The following GNAL variants were observed in gnomAD, a reference collection of about 807,000 sequenced individuals.
The protein encoded by GNAL is G protein subunit alpha L, also known as guanine nucleotide-binding protein G(olf) subunit alpha.
A neutral mutation model predicts 55.1 loss-of-function variants in GNAL; 18 were observed. The ratio of observed to expected loss-of-function variants is 0.33; its 90% CI spans 0.23 to 0.48. GNAL has a LOEUF of 0.48. Ranked by LOEUF, GNAL falls within the 20% of genes least tolerant of loss-of-function variation. The pLI, the probability that GNAL is intolerant of heterozygous loss-of-function variation, is 0.99. For missense variants in GNAL, 412 were observed against 614.1 expected (o/e 0.67, Z 3.48); for synonymous variants, 253 against 237.0 (o/e 1.07, Z -0.62).
In GNAL at chr18:11,812,340, G is replaced by A. The variant is rs376582488; in HGVS notation, c.625-12578G>A. On this transcript the variant is annotated intron_variant, in intron 4 of 11. Coordinates refer to ENST00000334049, the MANE Select transcript of GNAL (RefSeq NM_182978.4). ...GAAATCCTGCAACTGGCCCTGGGGG[G>A]CTATGAAGGTCCCTTGGCTTCATCT... Among the ~76,000 whole-genome samples, 13 of 152,272 alleles carry A rather than the reference G, an allele frequency of 8.5e-5. 2 individuals are homozygous for A. The highest frequency in any genetic ancestry group is 1.9e-4 in the East Asian group (1 of 5,192).
chr18:11,804,834 G>A (rs867051505), intron 4 of GNAL, among the ~76,000 whole-genome samples: 13 of 133,880 alleles, frequency 9.7e-5, no homozygotes, highest in African/African-American at 3.2e-4. Flanking sequence ...AGTGGAACAC[G>A]GAGATACTGT....
At chr18:11,747,221 G>A in intron 1 of GNAL, 1 of 370,112 alleles carries the variant, frequency 2.7e-6, no homozygotes, top group Non-Finnish European at 5.3e-6. Context: ...GAACTCCAAA[G>A]ATGAGGTGGA....
At chr18:11,878,974 G>A (rs1027809082) in intron 11 of GNAL, among the ~76,000 whole-genome samples, 3 of 138,628 alleles carry the variant, frequency 2.2e-5, no homozygotes, top group African/African-American at 2.6e-5. Context: ...GAGGAGTGGG[G>A]AGGGATAGCA....
chr18:11,877,869 C>T (rs62097395), intron 11 of GNAL, among the ~76,000 whole-genome samples: 5,418 of 152,142 alleles, frequency 0.036, 134 homozygotes, highest in Non-Finnish European at 0.053. Context: ...GACAAGAGTT[C>T]CCCCAGAAGT....
At chr18:11,749,145 A>C (rs1353310765) in intron 1 of GNAL, among the ~76,000 whole-genome samples, 7 of 151,612 alleles carry the variant, frequency 4.6e-5, no homozygotes, top group African/African-American at 1.7e-4. Flanking sequence ...AAAAAAAAAA[A>C]AAAAAACCTC....
rs190392020 is a variant in GNAL at position 11,739,474 on chromosome 18, A to T, written c.377-13379A>T. On this transcript the variant is annotated intron_variant, in intron 1 of 11. Coordinates refer to ENST00000334049, the MANE Select transcript of GNAL (RefSeq NM_182978.4). ...ACGGTTCTCAAAATCACTCGATTGG[A>T]TATTGAGACAATAAGTGTGTCTGAC... 4.6e-5 allele frequency among the ~76,000 whole-genome samples: 7 copies of T among 152,162 alleles called. No individual in the cohort carries two copies. The East Asian group carries it at 1.2e-3, about 25-fold the overall frequency.
chr18:11,814,298 G>A (rs1208250030), intron 4 of GNAL, among the ~76,000 whole-genome samples: 1 of 152,220 alleles, frequency 6.6e-6, no homozygotes, highest in African/African-American at 2.4e-5. Context: ...GCTGAGGTGG[G>A]TGGATCATCT....
chr18:11,802,142 G>A (rs2034537397), intron 4 of GNAL, among the ~76,000 whole-genome samples: 1 of 152,054 alleles, frequency 6.6e-6, no homozygotes, highest in Admixed American at 6.6e-5. Flanking sequence ...TTAGAGTCAA[G>A]TTAGCAAAAA....
intron 1 of GNAL, among the ~76,000 whole-genome samples, chr18:11,692,220 A>C (rs2031271760): frequency 6.6e-6 from 1 of 152,226 alleles, no homozygotes; most frequent in Admixed American, 6.5e-5. Context: ...ACTTTCATTT[A>C]AGATCTAGAA....
intron 5 of GNAL, among the ~76,000 whole-genome samples, chr18:11,833,002 C>T (rs2035420879): frequency 6.6e-6 from 1 of 151,794 alleles, no homozygotes; most frequent in South Asian, 2.1e-4. Context: ...ATTCTTCTTA[C>T]CTCTCATTTT....
At chr18:11,835,820 A>AT (rs1171962277) in intron 5 of GNAL, among the ~76,000 whole-genome samples, 2 of 152,174 alleles carry the variant, frequency 1.3e-5, no homozygotes, top group Non-Finnish European at 2.9e-5. Context: ...CTGTACTACT[A>AT]TTAATAAAGG....
intron 4 of GNAL, among the ~76,000 whole-genome samples, chr18:11,800,163 A>G (rs1568033045): frequency 6.6e-6 from 1 of 151,928 alleles, no homozygotes; most frequent in Non-Finnish European, 1.5e-5. Context: ...CACACATAGT[A>G]TACGTGATAG....
At chr18:11,848,715 C>G (rs763124265) in intron 5 of GNAL, among the ~76,000 whole-genome samples, 9 of 152,058 alleles carry the variant, frequency 5.9e-5, no homozygotes, top group Admixed American at 3.3e-4. Flanking sequence ...CCTCAGCCCC[C>G]CAAAGTGCTA....
At chr18:11,737,243 CTA>C (rs1208594629) in intron 1 of GNAL, among the ~76,000 whole-genome samples, 1 of 152,164 alleles carries the variant, frequency 6.6e-6, no homozygotes, top group African/African-American at 2.4e-5. Context: ...CTGAGGACTA[CTA>C]TATATACAAT....
intron 4 of GNAL, among the ~76,000 whole-genome samples, chr18:11,793,178 A>C (rs2034283370): frequency 6.6e-6 from 1 of 151,650 alleles, no homozygotes; most frequent in Non-Finnish European, 1.5e-5. Context: ...CAAAATTTTA[A>C]AATTTGTGCA....
At chr18:11,828,382 G>A (rs2035302023) in intron 5 of GNAL, among the ~76,000 whole-genome samples, 1 of 152,064 alleles carries the variant, frequency 6.6e-6, no homozygotes. Context: ...CAGCCTGGGC[G>A]ACAGAGTGAG....
chr18:11,768,679 G>T (rs2033492379), intron 4 of GNAL, among the ~76,000 whole-genome samples: 1 of 150,538 alleles, frequency 6.6e-6, no homozygotes, highest in Admixed American at 6.7e-5. Context: ...CGGATCACGA[G>T]GTCAGGAGAT....
chr18:11,794,607 G>C (rs1328268898), intron 4 of GNAL, among the ~76,000 whole-genome samples: 1 of 152,076 alleles, frequency 6.6e-6, no homozygotes, highest in Non-Finnish European at 1.5e-5. Flanking sequence ...CACCTGGTGG[G>C]CACAGGATTT....
At chr18:11,723,061 G>A (rs4796934) in intron 1 of GNAL, among the ~76,000 whole-genome samples, 38,863 of 143,272 alleles carry the variant, frequency 0.27, 5,815 homozygotes, top group East Asian at 0.7. Context: ...GCACATGCCT[G>A]TAATCCCAGC....
Sources: allele counts gnomAD v4.1 joint callset (sites outside exome capture counted in the v4.1 genomes callset), GRCh38; gene constraint gnomAD v4.1.1; transcripts MANE v1.5; gene names NCBI Gene and HGNC (gene_info 2026-07-23, HGNC 2026-07-21).